ZCCHC7: variants seen among roughly 807,000 people sequenced by gnomAD.
The protein encoded by ZCCHC7 is zinc finger CCHC domain-containing protein 7.
A neutral mutation model predicts 52.0 loss-of-function variants in ZCCHC7; 35 were observed. The ratio of observed to expected loss-of-function variants is 0.67; its 90% CI spans 0.51 to 0.89. The LOEUF (loss-of-function observed/expected upper bound fraction) is 0.89, where lower values mean the gene tolerates loss of function less well. ZCCHC7 is among the 40% of genes least tolerant of loss of function. The probability of loss-of-function intolerance (pLI) is 0.00; values close to 1 mark genes in which losing one functional copy is unlikely to be tolerated. For synonymous variants in ZCCHC7, 217 were observed against 221.5 expected (o/e 0.98, Z 0.18); for missense variants, 574 against 649.1 (o/e 0.88, Z 1.26).
intron 2 of ZCCHC7, among the ~76,000 whole-genome samples, chr9:37,146,849 C>T (rs968572236): frequency 4.6e-5 from 7 of 151,832 alleles, no homozygotes; most frequent in Non-Finnish European, 1.5e-5. Flanking sequence ...GCCTCAGTGT[C>T]AGATGCTCAT....
chr9:37,142,014 C>G (rs1248914430), intron 2 of ZCCHC7, among the ~76,000 whole-genome samples: 1 of 151,826 alleles, frequency 6.6e-6, no homozygotes. Flanking sequence ...TTAATATTCA[C>G]AGGCTTTAAA....
chr9:37,342,196 G>C (rs996106815), intron 6 of ZCCHC7, among the ~76,000 whole-genome samples: 4 of 152,180 alleles, frequency 2.6e-5, no homozygotes, highest in African/African-American at 9.7e-5. Context: ...GAGCCAACAA[G>C]CTTTGCTGAT....
intron 2 of ZCCHC7, among the ~76,000 whole-genome samples, chr9:37,135,318 T>A (rs1272353803): frequency 2.0e-5 from 3 of 152,246 alleles, no homozygotes; most frequent in Non-Finnish European, 2.9e-5. Context: ...AATTGTCTAA[T>A]TCCACTTTCA....
chr9:37,195,738 G>C (rs1334541874), intron 2 of ZCCHC7, among the ~76,000 whole-genome samples: 2 of 152,176 alleles, frequency 1.3e-5, no homozygotes, highest in African/African-American at 4.8e-5. Context: ...GATTTAATGC[G>C]AATTAGCTGG....
intron 2 of ZCCHC7, among the ~76,000 whole-genome samples, chr9:37,140,929 ATCTTT>A (rs1255975044): frequency 6.6e-6 from 1 of 152,016 alleles, no homozygotes; most frequent in Non-Finnish European, 1.5e-5. Flanking sequence ...AGCAAAGAGA[ATCTTT>A]TCTTCCTCTT....
chr9:37,327,935 A>C (rs1830316565), intron 6 of ZCCHC7, 101 bp downstream of exon 6: 5 of 1,283,278 alleles, frequency 3.9e-6, no homozygotes, highest in Middle Eastern at 1.9e-4. Context: ...CTGCTGGAAG[A>C]TAATAAACAT....
chr9:37,278,352 A>G (rs1402941201), intron 2 of ZCCHC7, among the ~76,000 whole-genome samples: 1 of 152,230 alleles, frequency 6.6e-6, no homozygotes, highest in Non-Finnish European at 1.5e-5. Context: ...AAATTTTAGA[A>G]CTGAAAAATG....
intron 2 of ZCCHC7, among the ~76,000 whole-genome samples, chr9:37,161,846 G>A (rs1332272099): frequency 1.3e-5 from 2 of 152,144 alleles, no homozygotes; most frequent in Admixed American, 6.5e-5. Flanking sequence ...ACCGTGGCAT[G>A]GCAGACAACA....
chr9:37,168,210 G>T (rs2132958094), intron 2 of ZCCHC7, among the ~76,000 whole-genome samples: 1 of 152,220 alleles, frequency 6.6e-6, no homozygotes, highest in South Asian at 2.1e-4. Flanking sequence ...TGTCTTTCAT[G>T]GATTATTGTC....
intron 2 of ZCCHC7, chr9:37,284,357 C>G (rs1481821006): frequency 6.6e-6 from 1 of 152,108 alleles, no homozygotes; most frequent in Non-Finnish European, 1.5e-5. Context: ...TTTTATTTCT[C>G]TGTGTATATA....
chr9:37,276,264 C>A (rs308496), intron 2 of ZCCHC7, among the ~76,000 whole-genome samples: 87,551 of 152,014 alleles, frequency 0.58, 25,861 homozygotes, highest in African/African-American at 0.7. Context: ...TCTAGACATG[C>A]GTTCTTTATA....
At chr9:37,276,996 C>T (rs1209373653) in intron 2 of ZCCHC7, among the ~76,000 whole-genome samples, 1 of 152,182 alleles carries the variant, frequency 6.6e-6, no homozygotes, top group Non-Finnish European at 1.5e-5. Flanking sequence ...CTTCTCTCTC[C>T]TAGGAACATT....
At chr9:37,278,067 A>T (rs13289199) in intron 2 of ZCCHC7, among the ~76,000 whole-genome samples, 52,593 of 133,932 alleles carry the variant, frequency 0.39, 9,452 homozygotes, top group Middle Eastern at 0.44. Context: ...TTTTGTTTTG[A>T]GGCAGGAGTC....
chr9:37,303,207 C>T (rs1247290698), intron 3 of ZCCHC7, among the ~76,000 whole-genome samples: 1 of 151,984 alleles, frequency 6.6e-6, no homozygotes, highest in Non-Finnish European at 1.5e-5. Flanking sequence ...GGTGGATCAC[C>T]TGAGGTCAGG....
chr9:37,170,688 A>C (rs1242008266), intron 2 of ZCCHC7, among the ~76,000 whole-genome samples: 2 of 152,192 alleles, frequency 1.3e-5, no homozygotes, highest in African/African-American at 4.8e-5. Flanking sequence ...TCATTGACAC[A>C]TATTTCTATT....
intron 6 of ZCCHC7, among the ~76,000 whole-genome samples, chr9:37,336,841 T>C (rs551538605): frequency 1.3e-5 from 2 of 152,252 alleles, no homozygotes; most frequent in East Asian, 1.9e-4. Context: ...CCTTCATCCC[T>C]CTATCCTGCA....
At chr9:37,186,025 A>G (rs1337025028) in intron 2 of ZCCHC7, among the ~76,000 whole-genome samples, 2 of 152,058 alleles carry the variant, frequency 1.3e-5, no homozygotes, top group East Asian at 1.9e-4. Context: ...GGGACATAAT[A>G]TTTTGGAGAT....
chr9:37,154,473 A>G (rs1342044308), intron 2 of ZCCHC7, among the ~76,000 whole-genome samples: 1 of 152,098 alleles, frequency 6.6e-6, no homozygotes, highest in Admixed American at 6.6e-5. Context: ...CTATCAGTTA[A>G]TTAGAGATTC....
intron 2 of ZCCHC7, among the ~76,000 whole-genome samples, chr9:37,174,329 A>G (rs1396872636): frequency 1.3e-5 from 2 of 152,194 alleles, no homozygotes; most frequent in African/African-American, 2.4e-5. Context: ...AAAGAAAAAA[A>G]GGAAACTGCT....
Sources: gnomAD v4.1 joint callset for allele counts (sites outside exome capture counted in the v4.1 genomes callset) on GRCh38, gnomAD v4.1.1 for gene constraint, MANE v1.5 for transcripts, NCBI Gene and HGNC (gene_info 2026-07-23, HGNC 2026-07-21) for gene names.